The following PRKCH variants were observed in gnomAD, a reference collection of about 807,000 sequenced individuals.
The protein encoded by PRKCH is protein kinase C eta, also known as protein kinase C eta type.
A neutral mutation model predicts 82.5 loss-of-function variants in PRKCH; 28 were observed. The observed-to-expected ratio is 0.34, with a 90% CI of 0.25 to 0.47. PRKCH has a LOEUF of 0.47. PRKCH is among the 20% of genes least tolerant of loss of function. The probability of loss-of-function intolerance (pLI) is 1.00; values close to 1 mark genes in which losing one functional copy is unlikely to be tolerated. For synonymous variants in PRKCH, 322 were observed against 327.4 expected, an observed-to-expected ratio of 0.98 and a Z score of 0.18; for missense variants, 705 against 881.8, an observed-to-expected ratio of 0.80 and a Z score of 2.54.
intron 7 of PRKCH, among the ~76,000 whole-genome samples, chr14:61,453,572 C>CT (rs1025601302): frequency 7.5e-5 from 11 of 147,276 alleles, no homozygotes; most frequent in Non-Finnish European, 1.1e-4. Context: ...CTCTTTCTCC[C>CT]TTTTTTTTCT....
intron 9 of PRKCH, among the ~76,000 whole-genome samples, chr14:61,472,600 G>C (rs1056403754): frequency 6.6e-6 from 1 of 152,130 alleles, no homozygotes; most frequent in Non-Finnish European, 1.5e-5. Flanking sequence ...CCTTACCAGA[G>C]GATTGCTTGA....
chr14:61,370,146 G>A (rs1237365475), intron 1 of PRKCH, among the ~76,000 whole-genome samples: 1 of 151,916 alleles, frequency 6.6e-6, no homozygotes, highest in Non-Finnish European at 1.5e-5. Context: ...GTTTCACCAT[G>A]TTGCTCAGGC....
intron 1 of PRKCH, among the ~76,000 whole-genome samples, chr14:61,324,823 A>G (rs1024236994): frequency 7.9e-5 from 12 of 152,198 alleles, no homozygotes; most frequent in Non-Finnish European, 1.6e-4. Flanking sequence ...TTAAATTGAC[A>G]TGTAGTTTAT....
intron 1 of PRKCH, among the ~76,000 whole-genome samples, chr14:61,385,458 C>T (rs1594647075): frequency 1.3e-5 from 2 of 152,166 alleles, no homozygotes; most frequent in South Asian, 4.1e-4. Flanking sequence ...CTTATGGCAG[C>T]TAGAAAAGAT....
intron 1 of PRKCH, among the ~76,000 whole-genome samples, chr14:61,188,475 G>A (rs1194713330): frequency 1.5e-5 from 2 of 135,324 alleles, no homozygotes; most frequent in Non-Finnish European, 3.2e-5. Flanking sequence ...TCGGGCAGGC[G>A]GCCTTGTGGC....
At chr14:61,274,760 T>C (rs2045187936) in intron 1 of PRKCH, among the ~76,000 whole-genome samples, 1 of 152,178 alleles carries the variant, frequency 6.6e-6, no homozygotes, top group Non-Finnish European at 1.5e-5. Flanking sequence ...TTACAGTACC[T>C]ATAGGGAGGG....
At chr14:61,393,910 T>G (rs2046727609) in intron 2 of PRKCH, among the ~76,000 whole-genome samples, 1 of 152,240 alleles carries the variant, frequency 6.6e-6, no homozygotes, top group Admixed American at 6.5e-5. Context: ...CTCTCTAGTT[T>G]GTATGTGTTT....
In PRKCH at chr14:61,232,786, C is replaced by T. The variant is rs529728019; in HGVS notation, c.-19+45118C>T. Reference sequence around the variant, plus strand: ...CTTAACTTTAAGCCCTCTCCCTTCCCTTGAGGTTAGGGGATGGGGCTGAAA... The same window carrying T: ...CTTAACTTTAAGCCCTCTCCCTTCCTTTGAGGTTAGGGGATGGGGCTGAAA... On this transcript the variant is annotated intron_variant, in intron 1 of 3. Coordinates refer to the PRKCH transcript ENST00000555185. Among the ~76,000 whole-genome samples the T allele has an allele frequency of 7.9e-5, 12 of 152,260 alleles. 1 individual carries two copies. In the South Asian group the frequency reaches 2.5e-3, roughly 32 times the overall value.
intron 1 of PRKCH, among the ~76,000 whole-genome samples, chr14:61,328,015 C>G (rs1438349577): frequency 3.3e-5 from 5 of 151,568 alleles, no homozygotes; most frequent in Non-Finnish European, 7.4e-5. Flanking sequence ...CTTTGGGAGG[C>G]CGAGGCGGGT....
At chr14:61,309,241 C>T (rs1040732534) in intron 1 of PRKCH, among the ~76,000 whole-genome samples, 71 of 152,072 alleles carry the variant, frequency 4.7e-4, no homozygotes, top group Non-Finnish European at 1.9e-4. Flanking sequence ...GTGATTGTGC[C>T]GGTGCACTCC....
intron 1 of PRKCH, among the ~76,000 whole-genome samples, chr14:61,258,020 G>A (rs981075786): frequency 1.3e-5 from 2 of 151,768 alleles, no homozygotes; most frequent in Non-Finnish European, 2.9e-5. Flanking sequence ...GAAGGCTGGC[G>A]ACCAAGAGAG....
intron 1 of PRKCH, among the ~76,000 whole-genome samples, chr14:61,352,101 G>T (rs1382428501): frequency 1.3e-5 from 2 of 152,108 alleles, no homozygotes; most frequent in Non-Finnish European, 2.9e-5. Flanking sequence ...CAGGTCAGCT[G>T]CTAACTGCTG....
intron 1 of PRKCH, among the ~76,000 whole-genome samples, chr14:61,363,994 G>GTA (rs386381538): frequency 0.019 from 2,738 of 144,984 alleles, 115 homozygotes; most frequent in African/African-American, 0.061. Context: ...ATGTGTGTGT[G>GTA]TATATATATA....
chr14:61,274,370 A>G (rs1273920527), intron 1 of PRKCH, among the ~76,000 whole-genome samples: 1 of 152,204 alleles, frequency 6.6e-6, no homozygotes, highest in East Asian at 1.9e-4. Flanking sequence ...TTTCTCCTGT[A>G]GGCTGTGGGT....
chr14:61,222,318 T>C (rs1445792610), intron 1 of PRKCH, among the ~76,000 whole-genome samples: 1 of 152,254 alleles, frequency 6.6e-6, no homozygotes, highest in Non-Finnish European at 1.5e-5. Flanking sequence ...AGTTCTGTTA[T>C]CCCTACTTGA....
intron 1 of PRKCH, among the ~76,000 whole-genome samples, chr14:61,347,413 C>T (rs2046009765): frequency 6.6e-6 from 1 of 152,152 alleles, no homozygotes; most frequent in African/African-American, 2.4e-5. Context: ...CTGCCTTCAT[C>T]TGCTTTCTCT....
intron 12 of PRKCH, among the ~76,000 whole-genome samples, chr14:61,540,656 C>G (rs913250685): frequency 3.9e-5 from 6 of 152,176 alleles, no homozygotes; most frequent in Non-Finnish European, 7.3e-5. Context: ...TAATGGCTAC[C>G]ACTTCTTAAG....
chr14:61,529,296 A>T, intron 11 of PRKCH, 83 bp downstream of exon 11: 1 of 1,489,450 alleles, frequency 6.7e-7, no homozygotes, highest in Non-Finnish European at 9.0e-7. Flanking sequence ...GCTTTTATGC[A>T]CTGCAGCTTT....
intron 10 of PRKCH, among the ~76,000 whole-genome samples, chr14:61,491,828 T>C (rs1345599263): frequency 1.3e-5 from 2 of 152,134 alleles, no homozygotes; most frequent in Non-Finnish European, 2.9e-5. Flanking sequence ...AAAACAAAAA[T>C]ACTCGCCAGT....
Sources: gnomAD v4.1 joint callset for allele counts (sites outside exome capture counted in the v4.1 genomes callset) on GRCh38, gnomAD v4.1.1 for gene constraint, MANE v1.5 for transcripts, NCBI Gene and HGNC (gene_info 2026-07-23, HGNC 2026-07-21) for gene names.